Variants in DCHS2 observed in about 807,000 individuals in gnomAD.
The protein encoded by DCHS2 is dachsous cadherin-related 2.
Under a neutral mutation model 182.4 loss-of-function variants are expected in DCHS2, and 142 were observed. The ratio of observed to expected loss-of-function variants is 0.78; its 90% CI spans 0.68 to 0.89. The LOEUF is 0.89. Among genes scored for constraint, DCHS2 ranks in the 40% least tolerant of loss-of-function variants. DCHS2 has a pLI of 0.00. For synonymous variants in DCHS2, 1,740 were observed against 1,663.3 expected (o/e 1.05, Z -1.12); for missense variants, 4,319 against 4,198.6 (o/e 1.03, Z -0.79).
intron 14 of DCHS2, among the ~76,000 whole-genome samples, chr4:154,266,126 A>G (rs915762714): frequency 6.6e-6 from 1 of 152,196 alleles, no homozygotes; most frequent in African/African-American, 2.4e-5. Flanking sequence ...AAATGCCCAC[A>G]TGATAAGGTA....
In DCHS2 at chr4:154,298,221, A is replaced by G. The variant is rs17031391; in HGVS notation, c.6093T>C (p.Val2031=). Residue 2031 remains valine (V), a synonymous_variant, in exon 13 of 20, where the codon GTT becomes GTC. Transcript: ENST00000357232. ...GTTCCAAAACTGGATCATTGTCATT[A>G]ACATCAGTGACATATACTTTTATAA... ...TVIIKVYVTD[V]NDNDPVLEQN... The G allele has an allele frequency of 0.028, 45,266 of 1,614,060 alleles. 2,327 individuals are homozygous for G. Among genetic ancestry groups the G allele is most frequent in the African/African-American group, 0.23 (16,973 of 74,966 alleles).
intron 1 of DCHS2, among the ~76,000 whole-genome samples, chr4:154,387,899 G>T (rs1731490668): frequency 6.6e-6 from 1 of 152,002 alleles, no homozygotes; most frequent in African/African-American, 2.4e-5. Context: ...ATATATTTAA[G>T]ATATTCAACT....
chr4:154,388,791 GCCA>G (rs775648599), intron 1 of DCHS2, among the ~76,000 whole-genome samples: 98 of 152,184 alleles, frequency 6.4e-4, no homozygotes, highest in Non-Finnish European at 1.1e-3. Context: ...ACTGCGCCCG[GCCA>G]AATACATGTA....
At chr4:154,301,320 T>C (rs2111290615) in intron 12 of DCHS2, among the ~76,000 whole-genome samples, 1 of 152,218 alleles carries the variant, frequency 6.6e-6, no homozygotes, top group African/African-American at 2.4e-5. Flanking sequence ...TAAAGACTAT[T>C]CATTAACTTT....
At chr4:154,289,103 A>G (rs528226948) in intron 13 of DCHS2, among the ~76,000 whole-genome samples, 6 of 152,234 alleles carry the variant, frequency 3.9e-5, no homozygotes, top group African/African-American at 1.4e-4. Flanking sequence ...GAACAGAAAT[A>G]AATGAAACTT....
In DCHS2 at chr4:154,233,992, G is replaced by A. The variant is rs965858563; in HGVS notation, c.*544C>T. The A allele has an allele frequency of 6.6e-6, 1 of 152,080 alleles. No homozygotes were observed. The highest frequency in any genetic ancestry group is 2.4e-5 in the African/African-American group (1 of 41,410). The allele number at this position is 152,080 out of a possible 1,614,324, so 9.4% of individuals were successfully genotyped here. A position where few individuals can be genotyped will look rare whatever the true frequency, so the allele number is the denominator to read the frequency against. On this transcript the variant is annotated 3_prime_UTR_variant, in exon 20 of 20. Transcript: ENST00000357232. The stretch of plus-strand genomic sequence containing the variant: ...ATTCAATTATGGCTAAACTCTACAG[G>A]TGTGGTATATGGGGAAAAATGGAGA...
intron 2 of DCHS2, among the ~76,000 whole-genome samples, chr4:154,370,057 G>C (rs1730573513): frequency 6.6e-6 from 1 of 152,136 alleles, no homozygotes; most frequent in African/African-American, 2.4e-5. Context: ...GTGAGCTGTG[G>C]TTTCATTCCA....
chr4:154,418,554 G>A (rs1732968147), intron 1 of DCHS2, among the ~76,000 whole-genome samples: 1 of 152,132 alleles, frequency 6.6e-6, no homozygotes. Flanking sequence ...TTTCAGAAGA[G>A]CCAATGTAAC....
chr4:154,433,332 A>T (rs1220463930), intron 1 of DCHS2, among the ~76,000 whole-genome samples: 2 of 149,514 alleles, frequency 1.3e-5, no homozygotes, highest in Non-Finnish European at 3.0e-5. Context: ...TGCCAAGTAC[A>T]TTCATTTCGG....
intron 1 of DCHS2, among the ~76,000 whole-genome samples, chr4:154,475,175 A>C (rs1306247311): frequency 1.3e-5 from 2 of 152,182 alleles, no homozygotes; most frequent in Non-Finnish European, 2.9e-5. Context: ...AAAGAAACAA[A>C]TGTACTGAAC....
chr4:154,389,946 A>G lies in DCHS2; in HGVS notation c.2053-12502T>C, dbSNP rs1379259766. 2.0e-5 allele frequency among the ~76,000 whole-genome samples: 3 copies of G among 152,226 alleles called. No homozygotes were observed. The East Asian group carries it at 5.8e-4, about 29-fold the overall frequency. On this transcript the variant is annotated intron_variant, in intron 1 of 19. Transcript: ENST00000357232. ...AGGTAAGATACTCATCTTTAAGAGA[A>G]TAATTAATTTATATTTATGGCATAA...
intron 1 of DCHS2, among the ~76,000 whole-genome samples, chr4:154,488,930 G>A (rs1052523957): frequency 3.5e-5 from 5 of 142,620 alleles, no homozygotes; most frequent in African/African-American, 1.3e-4. Flanking sequence ...GTGTGTGTGT[G>A]TGTATACATG....
At chr4:154,456,148 A>G (rs1258328994) in intron 1 of DCHS2, among the ~76,000 whole-genome samples, 1 of 151,794 alleles carries the variant, frequency 6.6e-6, no homozygotes, top group Admixed American at 6.6e-5. Flanking sequence ...GCTTCTGTAT[A>G]TATAGTATAT....
chr4:154,332,718 T>A lies in DCHS2; in HGVS notation c.3490A>T (p.Ile1164Phe), dbSNP rs200894268. ...TTTTGCAAGAATCCGTCCTCGGGGA[T>A]CCAAGCAAACACTCTAAAATTATAT... Reference protein sequence around the residue: ...QTYNFRVFAWIPEDGFLQNVS... With the variant: ...QTYNFRVFAWFPEDGFLQNVS... Residue 1164 changes from isoleucine to phenylalanine, a missense_variant, in exon 5 of 20, where the codon ATC becomes TTC. Coordinates refer to ENST00000357232, the MANE Select transcript of DCHS2 (RefSeq NM_001358235.2). The A allele has an allele frequency of 6.8e-6, 11 of 1,614,238 alleles. No homozygotes were observed. The highest frequency in any genetic ancestry group is 9.3e-6 in the Non-Finnish European group (11 of 1,180,040).
At chr4:154,344,817 C>G (rs931266709) in intron 3 of DCHS2, among the ~76,000 whole-genome samples, 1 of 152,170 alleles carries the variant, frequency 6.6e-6, no homozygotes, top group African/African-American at 2.4e-5. Context: ...TGCAGAGCTA[C>G]GTTCAAACCT....
At chr4:154,311,999 G>T (rs1009654858) in intron 10 of DCHS2, among the ~76,000 whole-genome samples, 21 of 151,558 alleles carry the variant, frequency 1.4e-4, no homozygotes, top group African/African-American at 4.8e-4. Flanking sequence ...ATTTATAATA[G>T]AATTTTTTAA....
intron 3 of DCHS2, among the ~76,000 whole-genome samples, chr4:154,358,700 A>G (rs550175963): frequency 2.1e-3 from 324 of 152,170 alleles, no homozygotes; most frequent in Non-Finnish European, 4.0e-3. Flanking sequence ...TCAAACATTC[A>G]CTTTTTTAAA....
intron 1 of DCHS2, among the ~76,000 whole-genome samples, chr4:154,487,680 A>G (rs1353656899): frequency 1.3e-5 from 2 of 152,228 alleles, no homozygotes; most frequent in African/African-American, 2.4e-5. Flanking sequence ...TATTTGAGAC[A>G]TAATTTGCAA....
At chr4:154,278,701 A>G (rs1207709957) in intron 13 of DCHS2, among the ~76,000 whole-genome samples, 1 of 152,104 alleles carries the variant, frequency 6.6e-6, no homozygotes, top group Non-Finnish European at 1.5e-5. Context: ...CAGCAGAGAC[A>G]GTAGAGATCA....
Sources: gnomAD v4.1 joint callset for allele counts (sites outside exome capture counted in the v4.1 genomes callset) on GRCh38, gnomAD v4.1.1 for gene constraint, MANE v1.5 for transcripts, NCBI Gene and HGNC (gene_info 2026-07-23, HGNC 2026-07-21) for gene names.